COL4A2: variants seen among roughly 807,000 people sequenced by gnomAD.
The protein encoded by COL4A2 is collagen alpha-2(IV) chain.
A neutral mutation model predicts 200.2 loss-of-function variants in COL4A2; 99 were observed. The observed-to-expected ratio is 0.49, with a 90% confidence interval of 0.42 to 0.58. The LOEUF (loss-of-function observed/expected upper bound fraction) is 0.58, where lower values mean the gene tolerates loss of function less well. COL4A2 is among the 20% of genes least tolerant of loss of function. The pLI is 0.00. For missense variants in COL4A2, 1,950 were observed against 2,314.1 expected, an observed-to-expected ratio of 0.84 and a Z score of 3.23; for synonymous variants, 897 against 900.6, an observed-to-expected ratio of 1.00 and a Z score of 0.07.
At chr13:110,416,098 T>C (rs573294135) in intron 4 of COL4A2, among the ~76,000 whole-genome samples, 8 of 152,382 alleles carry the variant, frequency 5.2e-5, no homozygotes, top group Admixed American at 1.3e-4. Flanking sequence ...CCTATGCTAA[T>C]TGTCACTCTC....
chr13:110,422,189 T>A (rs1484901720), intron 4 of COL4A2, among the ~76,000 whole-genome samples: 11 of 152,186 alleles, frequency 7.2e-5, no homozygotes, highest in African/African-American at 2.7e-4. Context: ...AGCGTAGAGC[T>A]TCGTGGCATG....
chr13:110,355,887 C>T (rs1378657249), intron 3 of COL4A2, among the ~76,000 whole-genome samples: 1 of 151,226 alleles, frequency 6.6e-6, no homozygotes. Flanking sequence ...CTGAGGGCTG[C>T]ACTAGGTCAC....
At chr13:110,401,000 A>G (rs1879354193) in intron 4 of COL4A2, among the ~76,000 whole-genome samples, 1 of 152,226 alleles carries the variant, frequency 6.6e-6, no homozygotes, top group Non-Finnish European at 1.5e-5. Flanking sequence ...AATTTTCCTA[A>G]GACCTTGAGA....
chr13:110,441,284 CA>C (rs371102814), intron 16 of COL4A2, among the ~76,000 whole-genome samples: 4 of 152,300 alleles, frequency 2.6e-5, no homozygotes, highest in African/African-American at 9.6e-5. Flanking sequence ...GGGGTTCCGC[CA>C]TGCTTGTTCC....
intron 31 of COL4A2, among the ~76,000 whole-genome samples, chr13:110,480,681 C>A (rs1238644130): frequency 6.6e-6 from 1 of 152,264 alleles, no homozygotes; most frequent in Non-Finnish European, 1.5e-5. Context: ...ATATCACCAT[C>A]TGCACAGGGA....
At position 110,387,175 on chromosome 13, in the gene COL4A2, G is replaced by T. The variant is rs774652807; in HGVS notation, c.180+29623G>T. Among the ~76,000 whole-genome samples the T allele has an allele frequency of 3.0e-4, 45 of 152,120 alleles. 1 individual carries two copies. Among genetic ancestry groups the T allele is most frequent in the Non-Finnish European group, 2.5e-4 (17 of 68,038 alleles). On this transcript the variant is annotated intron_variant, in intron 4 of 47. Transcript: ENST00000360467. ...AATCATTTGAACCCGGGAGGTGGAG[G>T]TTGCAGTGAGCCGAAATCGCACCAC...
At chr13:110,343,380 G>A (rs762852825) in intron 3 of COL4A2, among the ~76,000 whole-genome samples, 2 of 152,164 alleles carry the variant, frequency 1.3e-5, no homozygotes, top group Non-Finnish European at 2.9e-5. Flanking sequence ...TCCAGGCAGA[G>A]AAAAAACTAC....
At position 110,450,429 on chromosome 13, in the gene COL4A2, G is replaced by A. The variant is rs1406491930; in HGVS notation, c.1314G>A (p.Gly438=). The change falls in exon 20 of 48, where the codon GGG becomes GGA. Residue 438 remains glycine, a synonymous_variant. Transcript: ENST00000360467. ...AGCGAGGGCCTCCAGGACCCCCCGG[G>A]CTCCCTGGACCACCTGGACCTGATG... ...DGKRGPPGPP[G]LPGPPGPDGF... 1 of 1,613,888 alleles carries A rather than the reference G, an allele frequency of 6.2e-7. No homozygotes were observed. Among genetic ancestry groups the A allele is most frequent in the East Asian group, 2.2e-5 (1 of 44,884 alleles).
At chr13:110,465,333 A>C in intron 24 of COL4A2, 72 bp from the exon 25 acceptor site, 1 of 1,504,854 alleles carries the variant, frequency 6.6e-7, no homozygotes, top group Non-Finnish European at 8.9e-7. Context: ...GAAATGGGAA[A>C]GGAAACAGGG....
chr13:110,322,064 T>C (rs1885290531), intron 3 of COL4A2, among the ~76,000 whole-genome samples: 1 of 152,252 alleles, frequency 6.6e-6, no homozygotes, highest in African/African-American at 2.4e-5. Context: ...TGCTATGCTT[T>C]TTAAAGTTCT....
chr13:110,452,195 ATGAC>A lies in COL4A2; in HGVS notation c.1339+1742_1339+1745del, dbSNP rs1466673860. ...GTCACCCAGGCTGGAGTGCAGTGGC[ATGAC>A]CTCGGCTCACTGCACGCTCCGCCTC... On this transcript the variant is annotated intron_variant, in intron 20 of 47. Coordinates refer to ENST00000360467, the MANE Select transcript of COL4A2 (RefSeq NM_001846.4). Among the ~76,000 whole-genome samples, 9 of 152,306 alleles carry A rather than the reference ATGAC, an allele frequency of 5.9e-5. No homozygotes were observed. The South Asian group carries it at 1.4e-3, about 25-fold the overall frequency.
At chr13:110,511,751 C>T (rs1402524239) in intron 47 of COL4A2, among the ~76,000 whole-genome samples, 183 bp from the exon 48 acceptor site, 2 of 152,170 alleles carry the variant, frequency 1.3e-5, no homozygotes, top group East Asian at 3.9e-4. Flanking sequence ...CTGCAGGGGG[C>T]CCATGTGTAT....
chr13:110,487,797 G>A (rs1456772294), intron 34 of COL4A2, among the ~76,000 whole-genome samples: 1 of 152,248 alleles, frequency 6.6e-6, no homozygotes, highest in Non-Finnish European at 1.5e-5. Flanking sequence ...GGTATCGGGA[G>A]CACAGCTGCT....
Position 110,432,312 on chromosome 13 carries a change from TG to T in COL4A2, c.649-12del. 1 of 1,602,572 alleles carries T rather than the reference TG, an allele frequency of 6.2e-7. No individual in the cohort carries two copies. The highest frequency in any genetic ancestry group is 8.5e-7 in the Non-Finnish European group (1 of 1,176,190). ...AAAGAAAACCATTTACACATTTCTT[TG>T]TATTTGTACAGGGACCACCTGGACC... On this transcript the variant is annotated splice_polypyrimidine_tract_variant and intron_variant, in intron 10 of 47. Transcript: ENST00000360467.
chr13:110,307,315 G>C lies in COL4A2; in HGVS notation c.-258G>C, dbSNP rs1181850084. On this transcript the variant is annotated 5_prime_UTR_variant, in exon 1 of 48. Transcript: ENST00000360467. The surrounding 1 kb of genome is among the most constrained non-coding windows in gnomAD (Gnocchi z 5.0). Reference sequence around the variant, plus strand: ...GGCTGCAGTGCGCCGGGACACCAGGGCTCCGCGCTCCGCACTCAAGAGGCT... The same window carrying C: ...GGCTGCAGTGCGCCGGGACACCAGGCCTCCGCGCTCCGCACTCAAGAGGCT... 3.0e-6 allele frequency: 1 copy of C among 333,336 alleles called. No individual in the cohort carries two copies. Among genetic ancestry groups the C allele is most frequent in the East Asian group, 5.1e-5 (1 of 19,590 alleles). The allele number at this position is 333,336 out of a possible 1,614,324, so 20.6% of individuals were successfully genotyped here. A position where few individuals can be genotyped will look rare whatever the true frequency, so the allele number is the denominator to read the frequency against.
chr13:110,459,271 T>C, intron 22 of COL4A2: 1 of 228,502 alleles, frequency 4.4e-6, no homozygotes, highest in Admixed American at 5.0e-5. Flanking sequence ...TACACCAATG[T>C]TCACAGCAGC....
intron 3 of COL4A2, among the ~76,000 whole-genome samples, chr13:110,338,819 A>G (rs1594155837): frequency 6.6e-6 from 1 of 152,352 alleles, no homozygotes; most frequent in East Asian, 1.9e-4. Context: ...ACAGCCAAGA[A>G]CGACTGGCTG....
At chr13:110,453,811 A>G (rs563006156) in intron 20 of COL4A2, among the ~76,000 whole-genome samples, 1 of 152,356 alleles carries the variant, frequency 6.6e-6, no homozygotes, top group East Asian at 1.9e-4. Flanking sequence ...TGTGAGACAC[A>G]TGGTTTCCAA....
At chr13:110,483,503 C>G (rs1016163123) in intron 32 of COL4A2, among the ~76,000 whole-genome samples, 1 of 152,238 alleles carries the variant, frequency 6.6e-6, no homozygotes, top group African/African-American at 2.4e-5. Flanking sequence ...GAAAATGCAT[C>G]GACTGATGAA....
Sources: allele counts gnomAD v4.1 joint callset (sites outside exome capture counted in the v4.1 genomes callset), GRCh38; gene constraint gnomAD v4.1.1; non-coding constraint Gnocchi (gnomAD v3.1); transcripts MANE v1.5; gene names NCBI Gene and HGNC (gene_info 2026-07-23, HGNC 2026-07-21).